Variants in SCHIP1 observed in about 807,000 individuals in gnomAD.
SCHIP1 encodes the protein schwannomin-interacting protein 1.
In SCHIP1, 8 loss-of-function variants were observed where a neutral mutation model predicts 29.7. The observed-to-expected ratio is 0.27, with a 90% CI of 0.16 to 0.49. The LOEUF (loss-of-function observed/expected upper bound fraction) is 0.49, where lower values mean the gene tolerates loss of function less well. Among genes scored for constraint, SCHIP1 ranks in the 20% least tolerant of loss-of-function variants. The pLI is 0.99. For synonymous variants in SCHIP1, 76 were observed against 94.9 expected (o/e 0.80, Z 1.16); for missense variants, 193 against 294.6 (o/e 0.66, Z 2.52).
the SCHIP1 span, among the ~76,000 whole-genome samples, chr3:159,773,837 A>G: frequency 6.6e-6 from 1 of 152,258 alleles, no homozygotes; most frequent in Non-Finnish European, 1.5e-5. Context: ...AAGTGAAGAC[A>G]GATTTTGTTC....
At chr3:159,556,413 A>G in the SCHIP1 span, among the ~76,000 whole-genome samples, 464 of 152,176 alleles carry the variant, frequency 3.0e-3, 2 homozygotes, top group African/African-American at 0.011. Flanking sequence ...CCATCCCATT[A>G]CTGGGTATAT....
chr3:159,273,932 A>G, the SCHIP1 span: 2 of 1,602,654 alleles, frequency 1.2e-6, no homozygotes, highest in African/African-American at 1.3e-5. Context: ...TCATATTTTT[A>G]CAAATGAAGA....
At chr3:159,865,321 A>C (rs184103256) in intron 1 of SCHIP1, among the ~76,000 whole-genome samples, 2 of 152,244 alleles carry the variant, frequency 1.3e-5, no homozygotes, top group East Asian at 3.9e-4. Flanking sequence ...ATCATTTTTA[A>C]TCTTCTCCCC....
the SCHIP1 span, among the ~76,000 whole-genome samples, chr3:159,406,372 A>C: frequency 6.6e-6 from 1 of 152,232 alleles, no homozygotes; most frequent in Non-Finnish European, 1.5e-5. Flanking sequence ...ATCCTAGAAT[A>C]GTATATCTGG....
the SCHIP1 span, among the ~76,000 whole-genome samples, chr3:159,446,614 C>T: frequency 1.3e-5 from 2 of 152,062 alleles, no homozygotes; most frequent in African/African-American, 2.4e-5. Context: ...AAGGCAATAC[C>T]ATATTGCCTT....
At chr3:159,308,611 T>C in the SCHIP1 span, among the ~76,000 whole-genome samples, 1 of 152,170 alleles carries the variant, frequency 6.6e-6, no homozygotes, top group African/African-American at 2.4e-5. Flanking sequence ...TGGAGATTTC[T>C]CAAAGAACTT....
chr3:159,284,125 G>A, the SCHIP1 span, among the ~76,000 whole-genome samples: 1 of 152,182 alleles, frequency 6.6e-6, no homozygotes, highest in South Asian at 2.1e-4. Flanking sequence ...GTAATTACAT[G>A]TTCCTTGAAA....
chr3:159,352,210 C>G, the SCHIP1 span, among the ~76,000 whole-genome samples: 1 of 152,114 alleles, frequency 6.6e-6, no homozygotes, highest in Non-Finnish European at 1.5e-5. Context: ...CCAGGAGTCC[C>G]AGGTTCTTAC....
chr3:159,406,251 G>A, the SCHIP1 span, among the ~76,000 whole-genome samples: 2 of 152,020 alleles, frequency 1.3e-5, no homozygotes, highest in Non-Finnish European at 2.9e-5. Context: ...AACATACAAC[G>A]AGCTCCAATG....
At chr3:159,620,674 C>T in the SCHIP1 span, among the ~76,000 whole-genome samples, 1 of 152,208 alleles carries the variant, frequency 6.6e-6, no homozygotes, top group Non-Finnish European at 1.5e-5. Context: ...TGGACTGGGT[C>T]CCACTCAGTT....
the SCHIP1 span, chr3:159,273,960 G>A: frequency 1.9e-6 from 3 of 1,564,586 alleles, no homozygotes; most frequent in Admixed American, 1.9e-5. Context: ...CTTCAAAGTC[G>A]AACTAAGTAA....
At chr3:159,839,031 A>G (rs1177010358), upstream of SCHIP1, among the ~76,000 whole-genome samples, 2 of 152,128 alleles carry the variant, frequency 1.3e-5, no homozygotes, top group Non-Finnish European at 2.9e-5. Flanking sequence ...AGCTTGAAGA[A>G]TTTATAGCCC....
At chr3:159,806,471 T>C in the SCHIP1 span, among the ~76,000 whole-genome samples, 4 of 152,230 alleles carry the variant, frequency 2.6e-5, 1 homozygote, top group Non-Finnish European at 5.9e-5. Context: ...AATAGGTTTT[T>C]GTTTTGTTTT....
chr3:159,725,910 A>G, the SCHIP1 span, among the ~76,000 whole-genome samples: 1 of 152,228 alleles, frequency 6.6e-6, no homozygotes, highest in African/African-American at 2.4e-5. Flanking sequence ...AAGAATGGAA[A>G]TAAGAATTCA....
At chr3:159,344,350 C>G in the SCHIP1 span, among the ~76,000 whole-genome samples, 1 of 150,958 alleles carries the variant, frequency 6.6e-6, no homozygotes, top group African/African-American at 2.4e-5. Flanking sequence ...TAAGTTGTAT[C>G]TTGGTTTCTA....
chr3:159,490,705 G>A, the SCHIP1 span, among the ~76,000 whole-genome samples: 1 of 152,210 alleles, frequency 6.6e-6, no homozygotes, highest in Non-Finnish European at 1.5e-5. Context: ...TGTATGGAGA[G>A]GAGATAAATT....
chr3:159,799,057 G>T, the SCHIP1 span, among the ~76,000 whole-genome samples: 1 of 152,180 alleles, frequency 6.6e-6, no homozygotes, highest in Non-Finnish European at 1.5e-5. Context: ...AAGAGGGAGA[G>T]GGAGACACTG....
At chr3:159,425,971 A>G in the SCHIP1 span, among the ~76,000 whole-genome samples, 1 of 152,344 alleles carries the variant, frequency 6.6e-6, no homozygotes, top group Admixed American at 6.5e-5. Context: ...GAAGGCAGAA[A>G]TAAAGATGTT....
the SCHIP1 span, among the ~76,000 whole-genome samples, chr3:159,666,758 C>G: frequency 1.3e-5 from 2 of 152,212 alleles, no homozygotes; most frequent in Non-Finnish European, 2.9e-5. Context: ...GACTCTCAAT[C>G]ATTAAAGAAA....
Sources: allele counts gnomAD v4.1 joint callset (sites outside exome capture counted in the v4.1 genomes callset), GRCh38; gene constraint gnomAD v4.1.1; transcripts MANE v1.5; gene names NCBI Gene and HGNC (gene_info 2026-07-23, HGNC 2026-07-21).